Variants in SLC26A7 observed in about 807,000 individuals in gnomAD.
The protein encoded by SLC26A7 is solute carrier family 26 member 7.
SLC26A7 carries 59 observed loss-of-function variants against 82.5 expected under a neutral mutation model. The ratio of observed to expected loss-of-function variants is 0.72; its 90% confidence interval spans 0.58 to 0.89. SLC26A7 has a LOEUF of 0.89. SLC26A7 is among the 40% of genes least tolerant of loss of function. The pLI, the probability that SLC26A7 is intolerant of heterozygous loss-of-function variation, is 0.00. For synonymous variants in SLC26A7, 271 were observed against 274.3 expected (o/e 0.99, Z 0.12); for missense variants, 820 against 793.0 (o/e 1.03, Z -0.41).
chr8:91,267,012 T>C (rs982671050), intron 2 of SLC26A7, among the ~76,000 whole-genome samples: 2 of 151,964 alleles, frequency 1.3e-5, no homozygotes, highest in Non-Finnish European at 2.9e-5. Flanking sequence ...ATATTTTTCT[T>C]GATTCTCTTA....
rs1011789965 is a variant in SLC26A7 at position 91,340,428 on chromosome 8, G to A, written c.903G>A (p.Pro301=). Residue 301 remains proline, a synonymous_variant, in exon 8 of 19, where the codon CCG becomes CCA. Transcript: ENST00000276609. The part of the protein sequence containing the change: ...PQGIPSPRAP[P]MNILSAVITE... ...GAATTCCCTCACCTAGAGCTCCCCC[G>A]ATGAACATCCTCTCTGCGGTGATCA... is the stretch of plus-strand genomic sequence containing the variant. 5.0e-6 allele frequency: 8 copies of A among 1,613,742 alleles called. No homozygotes were observed. Among genetic ancestry groups the A allele is most frequent in the South Asian group, 3.3e-5 (3 of 91,074 alleles).
At chr8:91,343,197 A>G in intron 8 of SLC26A7, 156 bp from the exon 9 acceptor site, 1 of 571,736 alleles carries the variant, frequency 1.7e-6, no homozygotes, top group Admixed American at 2.9e-5. Flanking sequence ...AGCACCCAAT[A>G]AATGTTAGCT....
chr8:91,390,226 C>T (rs368625526), intron 16 of SLC26A7, among the ~76,000 whole-genome samples: 136 of 151,828 alleles, frequency 9.0e-4, no homozygotes, highest in African/African-American at 3.0e-3. Context: ...ACGCCATTCT[C>T]CTGCCTCAGC....
At chr8:91,390,376 C>A (rs1429092905) in intron 16 of SLC26A7, among the ~76,000 whole-genome samples, 1 of 152,132 alleles carries the variant, frequency 6.6e-6, no homozygotes, top group African/African-American at 2.4e-5. Flanking sequence ...CTTGGCCTCC[C>A]AAAGTGCTGG....
At chr8:91,382,378 G>C (rs936669744) in intron 15 of SLC26A7, among the ~76,000 whole-genome samples, 1 of 152,024 alleles carries the variant, frequency 6.6e-6, no homozygotes, top group Non-Finnish European at 1.5e-5. Flanking sequence ...TCCATTTATG[G>C]CTCCAACATC....
chr8:91,212,493 T>C (rs551901320), intron 1 of SLC26A7, among the ~76,000 whole-genome samples: 7 of 152,182 alleles, frequency 4.6e-5, no homozygotes, highest in Non-Finnish European at 8.8e-5. Context: ...GTGAAAACGT[T>C]CATTTACTTT....
At chr8:91,324,785 G>C (rs562407800) in intron 5 of SLC26A7, among the ~76,000 whole-genome samples, 78 of 152,264 alleles carry the variant, frequency 5.1e-4, no homozygotes, top group African/African-American at 1.8e-3. Flanking sequence ...AAGTGACAGG[G>C]GTGGGTCTGC....
intron 15 of SLC26A7, among the ~76,000 whole-genome samples, chr8:91,380,395 A>G (rs1052784093): frequency 6.6e-6 from 1 of 152,176 alleles, no homozygotes; most frequent in Non-Finnish European, 1.5e-5. Flanking sequence ...GTAATTTTAT[A>G]CAATATTTTA....
intron 9 of SLC26A7, among the ~76,000 whole-genome samples, chr8:91,350,510 A>G (rs1813684339): frequency 6.6e-6 from 1 of 152,026 alleles, no homozygotes; most frequent in Non-Finnish European, 1.5e-5. Context: ...AAGTTTTCTC[A>G]TACTCTTTTG....
chr8:91,332,581 GTAGTGGTGCAAT>G (rs1322647439), intron 5 of SLC26A7, among the ~76,000 whole-genome samples: 2 of 150,424 alleles, frequency 1.3e-5, no homozygotes, highest in South Asian at 2.1e-4. Context: ...AGGCTGGAGT[GTAGTGGTGCAAT>G]CATAGCTCAC....
intron 4 of SLC26A7, among the ~76,000 whole-genome samples, chr8:91,307,466 G>T (rs1812345352): frequency 6.9e-6 from 1 of 144,698 alleles, no homozygotes; most frequent in Non-Finnish European, 1.5e-5. Flanking sequence ...ATACTATGCA[G>T]CCATAAAAAA....
chr8:91,273,617 A>G (rs370193205), intron 2 of SLC26A7, among the ~76,000 whole-genome samples: 2 of 152,218 alleles, frequency 1.3e-5, no homozygotes, highest in South Asian at 2.1e-4. Context: ...GAAATTCAAT[A>G]AGAATATAAC....
intron 9 of SLC26A7, among the ~76,000 whole-genome samples, chr8:91,348,993 C>T (rs1178054259): frequency 6.6e-6 from 1 of 152,162 alleles, no homozygotes; most frequent in African/African-American, 2.4e-5. Flanking sequence ...GGAATGATGG[C>T]TTTCACTGCA....
At chr8:91,278,152 C>T (rs1260414644) in intron 2 of SLC26A7, among the ~76,000 whole-genome samples, 1 of 152,058 alleles carries the variant, frequency 6.6e-6, no homozygotes, top group East Asian at 1.9e-4. Flanking sequence ...TCCTTGGGTG[C>T]TCCTCTGAGT....
At chr8:91,277,078 A>G (rs576702939) in intron 2 of SLC26A7, among the ~76,000 whole-genome samples, 68 of 152,198 alleles carry the variant, frequency 4.5e-4, no homozygotes, top group African/African-American at 1.5e-3. Flanking sequence ...GAATACTGAG[A>G]TGTGTGTCCT....
chr8:91,221,280 G>A (rs1810156672), intron 2 of SLC26A7, among the ~76,000 whole-genome samples: 2 of 152,160 alleles, frequency 1.3e-5, no homozygotes, highest in South Asian at 4.1e-4. Context: ...ACCTTTGTCA[G>A]ATGGGTCGAT....
chr8:91,209,526 C>T (rs1439792209), exon 1 of SLC26A7: 5 of 152,092 alleles, frequency 3.3e-5, no homozygotes, highest in Admixed American at 3.3e-4. Flanking sequence ...AATCTCCAAG[C>T]AATGTAGCTG....
At chr8:91,340,692 A>T (rs1813384807) in intron 8 of SLC26A7, 141 bp downstream of exon 8, 8 of 974,456 alleles carry the variant, frequency 8.2e-6, no homozygotes, top group Non-Finnish European at 1.2e-5. Flanking sequence ...AAAAAGAAAA[A>T]TATCAAAATC....
intron 16 of SLC26A7, among the ~76,000 whole-genome samples, chr8:91,389,725 C>G (rs1166016128): frequency 6.6e-6 from 1 of 152,072 alleles, no homozygotes; most frequent in African/African-American, 2.4e-5. Flanking sequence ...CATAGGAGCT[C>G]CTAGGCAGTC....
Sources: allele counts gnomAD v4.1 joint callset (sites outside exome capture counted in the v4.1 genomes callset), GRCh38; gene constraint gnomAD v4.1.1; transcripts MANE v1.5; gene names NCBI Gene and HGNC (gene_info 2026-07-23, HGNC 2026-07-21).